Variants in ST8SIA6 observed in about 807,000 individuals in gnomAD.
The protein encoded by ST8SIA6 is ST8 alpha-N-acetyl-neuraminide alpha-2,8-sialyltransferase 6, also known as alpha-2,8-sialyltransferase 8F.
A neutral mutation model predicts 33.6 loss-of-function variants in ST8SIA6; 39 were observed. That is an observed-to-expected ratio of 1.16 (90% CI 0.90 to 1.52). The LOEUF is 1.52. Among genes scored for constraint, ST8SIA6 ranks in the 40% most tolerant of loss-of-function variants. The pLI is 0.00. For synonymous variants in ST8SIA6, 172 were observed against 167.2 expected (o/e 1.03, Z -0.22); for missense variants, 441 against 443.8 (o/e 0.99, Z 0.06).
intron 4 of ST8SIA6, 109 bp downstream of exon 4, chr10:17,359,405 C>A: frequency 2.7e-6 from 2 of 751,476 alleles, no homozygotes; most frequent in South Asian, 2.1e-5. Flanking sequence ...GCCTCATTGC[C>A]AGCTGGGGTT....
chr10:17,366,075 AAGGAAT>A, intron 3 of ST8SIA6, among the ~76,000 whole-genome samples: 1 of 152,320 alleles, frequency 6.6e-6, no homozygotes, highest in South Asian at 2.1e-4. Context: ...ATACTCTTTA[AAGGAAT>A]AGCTAATGAG....
chr10:17,447,015 A>T (rs1296287445), intron 2 of ST8SIA6, among the ~76,000 whole-genome samples: 1 of 139,432 alleles, frequency 7.2e-6, no homozygotes, highest in African/African-American at 2.7e-5. Flanking sequence ...GCCATTACCG[A>T]CTCTGTCTCA....
intron 2 of ST8SIA6, among the ~76,000 whole-genome samples, chr10:17,433,317 C>T (rs1292767019): frequency 5.3e-5 from 8 of 152,180 alleles, no homozygotes; most frequent in Non-Finnish European, 7.3e-5. Context: ...AATTGTTAAA[C>T]ACCTGTGGTC....
intron 2 of ST8SIA6, among the ~76,000 whole-genome samples, chr10:17,447,398 T>C (rs1300302025): frequency 1.3e-5 from 2 of 151,832 alleles, no homozygotes; most frequent in African/African-American, 4.8e-5. Flanking sequence ...GAGAGCAAAA[T>C]TCCTTCTCAA....
At chr10:17,425,601 G>T (rs1851908336) in intron 2 of ST8SIA6, among the ~76,000 whole-genome samples, 1 of 146,306 alleles carries the variant, frequency 6.8e-6, no homozygotes, top group South Asian at 2.2e-4. Flanking sequence ...AGGAAGGAAG[G>T]AGAAAGAAAG....
intron 2 of ST8SIA6, among the ~76,000 whole-genome samples, chr10:17,416,332 A>C (rs1214081912): frequency 6.6e-6 from 1 of 152,036 alleles, no homozygotes; most frequent in African/African-American, 2.4e-5. Flanking sequence ...GAGCTAAGTG[A>C]GCTCATTCTA....
intron 2 of ST8SIA6, among the ~76,000 whole-genome samples, chr10:17,440,072 G>A (rs1852418957): frequency 6.6e-6 from 1 of 152,170 alleles, no homozygotes; most frequent in Non-Finnish European, 1.5e-5. Context: ...ATAACTATGG[G>A]ATTCAGGATG....
Position 17,390,548 on chromosome 10 carries a change from GA to G in ST8SIA6, c.272del (p.Phe91SerfsTer62), listed in dbSNP as rs758768401. On this transcript the variant is annotated frameshift_variant, in exon 3 of 8. Transcript: ENST00000377602. LOFTEE classifies it high-confidence loss of function. ...CKNLQYGIES[F>X]SNKTKGYSEN... ...GAACTTACCCTTTCGTTTTGTTAGA[GA>G]AAGACTCAATGCCATATTGCAGATT... 1.2e-6 allele frequency: 2 copies of G among 1,613,564 alleles called. No homozygotes were observed. Among genetic ancestry groups the G allele is most frequent in the African/African-American group, 2.7e-5 (2 of 74,906 alleles).
intron 2 of ST8SIA6, among the ~76,000 whole-genome samples, chr10:17,425,384 C>T (rs900905596): frequency 2.0e-5 from 3 of 151,926 alleles, no homozygotes; most frequent in Non-Finnish European, 1.5e-5. Flanking sequence ...GCCTGACCAA[C>T]GTGATGAAAC....
intron 3 of ST8SIA6, among the ~76,000 whole-genome samples, chr10:17,368,131 C>T (rs1208689277): frequency 6.6e-6 from 1 of 150,728 alleles, no homozygotes; most frequent in Non-Finnish European, 1.5e-5. Flanking sequence ...CGCAGTGGCT[C>T]ACGCCTATAA....
At chr10:17,434,987 A>G (rs1282316356) in intron 2 of ST8SIA6, among the ~76,000 whole-genome samples, 4 of 152,308 alleles carry the variant, frequency 2.6e-5, no homozygotes, top group African/African-American at 9.6e-5. Flanking sequence ...AAGGACTCCC[A>G]TGCTGAGAAA....
intron 2 of ST8SIA6, among the ~76,000 whole-genome samples, chr10:17,423,349 G>C (rs759627191): frequency 7.2e-5 from 11 of 152,066 alleles, no homozygotes; most frequent in Non-Finnish European, 1.6e-4. Context: ...ATCTGTTTTC[G>C]TAGCATCTTA....
intron 2 of ST8SIA6, among the ~76,000 whole-genome samples, chr10:17,452,820 A>G (rs1228691338): frequency 9.2e-5 from 14 of 152,226 alleles, no homozygotes; most frequent in Admixed American, 9.2e-4. Flanking sequence ...GTATAGGTCT[A>G]GGATTTTTAG....
intron 3 of ST8SIA6, among the ~76,000 whole-genome samples, chr10:17,381,687 GT>G (rs1850157344): frequency 6.6e-6 from 1 of 152,192 alleles, no homozygotes; most frequent in African/African-American, 2.4e-5. Context: ...ATACTATGAG[GT>G]GTCAAAATTT....
chr10:17,447,301 G>A (rs964405565), intron 2 of ST8SIA6, among the ~76,000 whole-genome samples: 6 of 152,070 alleles, frequency 3.9e-5, no homozygotes, highest in Non-Finnish European at 7.3e-5. Context: ...AGCTACTGAG[G>A]AGGCGGAGGC....
At chr10:17,447,649 A>T (rs1272535126) in intron 2 of ST8SIA6, among the ~76,000 whole-genome samples, 2 of 152,168 alleles carry the variant, frequency 1.3e-5, no homozygotes, top group Non-Finnish European at 2.9e-5. Flanking sequence ...CAATGAAAAG[A>T]TAATCTAAAT....
At chr10:17,421,080 T>A (rs1456397503) in intron 2 of ST8SIA6, among the ~76,000 whole-genome samples, 1 of 152,068 alleles carries the variant, frequency 6.6e-6, no homozygotes, top group Non-Finnish European at 1.5e-5. Context: ...CCCTGATACA[T>A]GGGGATGACA....
Position 17,319,754 on chromosome 10 carries a change from A to G in ST8SIA6, c.*1124T>C, listed in dbSNP as rs146428417. 123 of 152,276 alleles carry G rather than the reference A, an allele frequency of 8.1e-4. No homozygotes were observed. The highest frequency in any genetic ancestry group is 2.7e-3 in the African/African-American group (112 of 41,564). The allele number at this position is 152,276 out of a possible 1,614,324, so 9.4% of individuals were successfully genotyped here. ...AGCATATAAAGTCCCCACATTGTAT[A>G]TTTAATTATTTCAGTATATTTTGTT... On this transcript the variant is annotated 3_prime_UTR_variant, in exon 8 of 8. Coordinates refer to ENST00000377602, the MANE Select transcript of ST8SIA6 (RefSeq NM_001004470.3).
chr10:17,341,346 C>T lies in ST8SIA6; in HGVS notation c.378-9794G>A, dbSNP rs577871557. On this transcript the variant is annotated intron_variant, in intron 4 of 7. Transcript: ENST00000377602. ...TCCATGGTAGGTGAAGAACTAATAA[C>T]GTCCCGGCTGGAGAAGAGCAGATTC... Among the ~76,000 whole-genome samples the T allele has an allele frequency of 7.2e-5, 11 of 152,238 alleles. No individual in the cohort carries two copies. The South Asian group carries it at 1.0e-3, about 14-fold the overall frequency.
Sources: allele counts gnomAD v4.1 joint callset (sites outside exome capture counted in the v4.1 genomes callset), GRCh38; gene constraint gnomAD v4.1.1; transcripts MANE v1.5; gene names NCBI Gene and HGNC (gene_info 2026-07-23, HGNC 2026-07-21).